PRKCB: variants seen among roughly 807,000 people sequenced by gnomAD.
The protein encoded by PRKCB is protein kinase C beta type.
A neutral mutation model predicts 81.5 loss-of-function variants in PRKCB; 13 were observed. The ratio of observed to expected loss-of-function variants is 0.16; its 90% CI spans 0.10 to 0.25. PRKCB has a LOEUF of 0.25. Ranked by LOEUF, PRKCB falls within the 10% of genes least tolerant of loss-of-function variation. The pLI is 1.00. For missense variants in PRKCB, 509 were observed against 875.7 expected (o/e 0.58, Z 5.29); for synonymous variants, 335 against 321.4 (o/e 1.04, Z -0.45).
At chr16:24,089,364 C>T (rs1283478031) in intron 5 of PRKCB, among the ~76,000 whole-genome samples, 1 of 152,132 alleles carries the variant, frequency 6.6e-6, no homozygotes, top group Non-Finnish European at 1.5e-5. Flanking sequence ...GTTTAAGAAG[C>T]TCTCCTGTGG....
In PRKCB at chr16:23,899,847, T is replaced by C. The variant is rs1160363498; in HGVS notation, c.205+62441T>C. ...TTTATTTATTTATTTATTTATTTAT[T>C]TATTTATTTATTTATTTATTGTAGA... On this transcript the variant is annotated intron_variant, in intron 2 of 16. Coordinates refer to ENST00000643927, the MANE Select transcript of PRKCB (RefSeq NM_002738.7). Among the ~76,000 whole-genome samples, 2 of 145,762 alleles carry C rather than the reference T, an allele frequency of 1.4e-5. 1 individual carries two copies. The highest frequency in any genetic ancestry group is 5.1e-5 in the African/African-American group (2 of 39,338).
Position 24,219,815 on chromosome 16 carries a change from G to T in PRKCB, c.*4999G>T, listed in dbSNP as rs1008689775. On this transcript the variant is annotated 3_prime_UTR_variant, in exon 17 of 17. Transcript: ENST00000643927. ...TACAATGTGAAATGAAAGCCAGTGC[G>T]TGGAGTGCAGCTGCTAAAAATTTTC... 1.4e-6 allele frequency: 2 copies of T among 1,426,482 alleles called. No individual in the cohort carries two copies. The highest frequency in any genetic ancestry group is 2.5e-5 in the East Asian group (1 of 39,552). 88.4% of individuals were successfully genotyped at this position (1,426,482 alleles called of 1,614,324 possible).
At chr16:23,901,100 AT>A (rs893194506) in intron 2 of PRKCB, among the ~76,000 whole-genome samples, 4 of 151,892 alleles carry the variant, frequency 2.6e-5, no homozygotes, top group Admixed American at 6.6e-5. Context: ...TACAAGATTA[AT>A]TTTTTTTCCT....
chr16:24,217,592 A>G lies in PRKCB; in HGVS notation c.*2776A>G, dbSNP rs909318132. The stretch of plus-strand genomic sequence containing the variant: ...TTTTCTCTGGGGATCTGCCCACAGG[A>G]CAAAGTCCATAAAAGCAAGTCCTGT... On this transcript the variant is annotated 3_prime_UTR_variant, in exon 17 of 17. Coordinates refer to ENST00000643927, the MANE Select transcript of PRKCB (RefSeq NM_002738.7). The G allele has an allele frequency of 2.3e-5, 23 of 985,328 alleles. No individual in the cohort carries two copies. The African/African-American group carries it at 4.0e-4, about 17-fold the overall frequency. 61.0% of individuals were successfully genotyped at this position (985,328 alleles called of 1,614,324 possible). A position where few individuals can be genotyped will look rare whatever the true frequency, so the allele number is the denominator to read the frequency against.
intron 2 of PRKCB, among the ~76,000 whole-genome samples, chr16:23,876,132 C>T (rs1395854753): frequency 6.6e-6 from 1 of 152,206 alleles, no homozygotes; most frequent in Non-Finnish European, 1.5e-5. Context: ...TTTTGGACCC[C>T]TGTCTATGTG....
chr16:23,844,071 A>T (rs779800654), intron 2 of PRKCB, among the ~76,000 whole-genome samples: 33 of 152,366 alleles, frequency 2.2e-4, no homozygotes, highest in Non-Finnish European at 3.7e-4. Flanking sequence ...TCATTAAATT[A>T]CTAAGTATAA....
chr16:23,874,078 C>T (rs1441307203), intron 2 of PRKCB, among the ~76,000 whole-genome samples: 3 of 152,138 alleles, frequency 2.0e-5, no homozygotes, highest in African/African-American at 4.8e-5. Flanking sequence ...AAATACACAC[C>T]TACACCCACG....
chr16:24,125,665 C>G (rs1038127958), intron 9 of PRKCB, among the ~76,000 whole-genome samples: 1 of 152,200 alleles, frequency 6.6e-6, no homozygotes, highest in Non-Finnish European at 1.5e-5. Flanking sequence ...GTCTAAGCTC[C>G]ACAAGAGTAG....
At chr16:24,174,764 A>C (rs1967502221) in intron 12 of PRKCB, 184 bp downstream of exon 12, 11 of 530,152 alleles carry the variant, frequency 2.1e-5, no homozygotes, top group Non-Finnish European at 3.7e-5. Flanking sequence ...GGGCAGCTCT[A>C]TATGGTGGTA....
Position 24,207,680 on chromosome 16 carries a change from C to A in PRKCB, c.1864-6978C>A, listed in dbSNP as rs1431854218. Among the ~76,000 whole-genome samples, 3 of 152,318 alleles carry A rather than the reference C, an allele frequency of 2.0e-5. No homozygotes were observed. The East Asian group carries it at 5.8e-4, about 29-fold the overall frequency. On this transcript the variant is annotated intron_variant, in intron 16 of 16. Transcript: ENST00000643927. ...GGCCCATAGTAGATTCCCAATTTTT[C>A]TTTCCTCTGACGATTCTTTGATGAA...
intron 2 of PRKCB, among the ~76,000 whole-genome samples, chr16:23,970,228 C>G (rs1450783165): frequency 1.3e-5 from 2 of 152,136 alleles, no homozygotes; most frequent in African/African-American, 4.8e-5. Context: ...GTGGAGTTGT[C>G]CAAGGTTAAT....
At chr16:24,155,305 T>A (rs1967140024) in intron 10 of PRKCB, among the ~76,000 whole-genome samples, 1 of 152,152 alleles carries the variant, frequency 6.6e-6, no homozygotes, top group African/African-American at 2.4e-5. Flanking sequence ...CCTCGAGGAC[T>A]CTCAGGGAAG....
chr16:24,181,617 A>G (rs1439684638), intron 13 of PRKCB, among the ~76,000 whole-genome samples: 1 of 151,936 alleles, frequency 6.6e-6, no homozygotes, highest in African/African-American at 2.4e-5. Context: ...AAATACAAAA[A>G]TTAGCCGGGT....
In PRKCB at chr16:24,215,768, C is replaced by A. The variant is rs1472612114; in HGVS notation, c.*952C>A. ...TTAACCAAGAAGACGGCTGCGGAGCCTAGCAGACTCAGGCCTGTGGGAATG... is the reference window on the plus strand; with the variant it reads ...TTAACCAAGAAGACGGCTGCGGAGCATAGCAGACTCAGGCCTGTGGGAATG... On this transcript the variant is annotated 3_prime_UTR_variant, in exon 17 of 17. Transcript: ENST00000643927. 2 of 985,644 alleles carry A rather than the reference C, an allele frequency of 2.0e-6. No homozygotes were observed. The highest frequency in any genetic ancestry group is 2.4e-6 in the Non-Finnish European group (2 of 829,914). The allele number at this position is 985,644 out of a possible 1,614,324, so 61.1% of individuals were successfully genotyped here. A position where few individuals can be genotyped will look rare whatever the true frequency, so the allele number is the denominator to read the frequency against.
chr16:24,158,601 T>C (rs2141956571), intron 10 of PRKCB, among the ~76,000 whole-genome samples: 1 of 152,026 alleles, frequency 6.6e-6, no homozygotes, highest in East Asian at 1.9e-4. Flanking sequence ...TATATGTGTG[T>C]GTATGTGTGT....
chr16:23,838,169 G>A (rs1962202672), intron 2 of PRKCB, among the ~76,000 whole-genome samples: 1 of 152,192 alleles, frequency 6.6e-6, no homozygotes, highest in African/African-American at 2.4e-5. Flanking sequence ...GTTACCCGCA[G>A]CTCTGTGTAG....
At chr16:23,855,951 A>G (rs748071875) in intron 2 of PRKCB, among the ~76,000 whole-genome samples, 2 of 152,004 alleles carry the variant, frequency 1.3e-5, no homozygotes, top group Non-Finnish European at 2.9e-5. Flanking sequence ...GTCCCTATAG[A>G]TGGTTTTGAG....
chr16:24,210,233 A>G (rs1398676472), intron 16 of PRKCB, among the ~76,000 whole-genome samples: 1 of 152,146 alleles, frequency 6.6e-6, no homozygotes, highest in Admixed American at 6.5e-5. Flanking sequence ...CATGGCCATC[A>G]AGGACCCTGC....
intron 5 of PRKCB, among the ~76,000 whole-genome samples, chr16:24,061,593 G>A (rs945879979): frequency 6.6e-6 from 1 of 152,090 alleles, no homozygotes; most frequent in African/African-American, 2.4e-5. Flanking sequence ...TTTATAAAAC[G>A]TTCACACAAG....
Sources: allele counts gnomAD v4.1 joint callset (sites outside exome capture counted in the v4.1 genomes callset), GRCh38; gene constraint gnomAD v4.1.1; transcripts MANE v1.5; gene names NCBI Gene and HGNC (gene_info 2026-07-23, HGNC 2026-07-21).